Variants in TCEA1 observed in about 807,000 individuals in gnomAD.
TCEA1 encodes transcription elongation factor A protein 1.
Under a neutral mutation model 43.8 loss-of-function variants are expected in TCEA1, and 21 were observed. That is an observed-to-expected ratio of 0.48 (90% CI 0.34 to 0.69). The LOEUF (loss-of-function observed/expected upper bound fraction) is 0.69, where lower values mean the gene tolerates loss of function less well. Among genes scored for constraint, TCEA1 ranks in the 30% least tolerant of loss-of-function variants. The pLI is 0.01. For missense variants in TCEA1, 250 were observed against 365.1 expected (o/e 0.68, Z 2.57); for synonymous variants, 104 against 117.5 (o/e 0.88, Z 0.75).
At chr8:53,999,156 C>T (rs1359904728) in intron 3 of TCEA1, among the ~76,000 whole-genome samples, 3 of 138,172 alleles carry the variant, frequency 2.2e-5, no homozygotes, top group Admixed American at 7.9e-5. Context: ...ACCCAGGAGG[C>T]GGAGCTTGCA....
chr8:54,006,650 TC>T (rs970588317), intron 2 of TCEA1, among the ~76,000 whole-genome samples: 6 of 152,196 alleles, frequency 3.9e-5, no homozygotes, highest in African/African-American at 1.2e-4. Context: ...TATGTTGTTT[TC>T]CCCACACAGG....
chr8:54,004,659 G>A (rs1445399769), intron 2 of TCEA1, among the ~76,000 whole-genome samples: 1 of 151,910 alleles, frequency 6.6e-6, no homozygotes, highest in Non-Finnish European at 1.5e-5. Context: ...GACTTTTTGG[G>A]GTGATGAAAA....
At chr8:53,970,660 T>C (rs1447838443) in intron 8 of TCEA1, among the ~76,000 whole-genome samples, 197 bp from the exon 9 acceptor site, 4 of 151,958 alleles carry the variant, frequency 2.6e-5, no homozygotes, top group Admixed American at 6.5e-5. Context: ...CCTAAGTCCT[T>C]CTTTGTCTTT....
At chr8:54,002,688 T>TA (rs993483669) in intron 2 of TCEA1, among the ~76,000 whole-genome samples, 12 of 152,156 alleles carry the variant, frequency 7.9e-5, no homozygotes, top group African/African-American at 2.7e-4. Flanking sequence ...TGCTAAGACT[T>TA]ACAAGATGTA....
At chr8:54,021,907 G>T in intron 1 of TCEA1, 156 bp downstream of exon 1, 1 of 597,224 alleles carries the variant, frequency 1.7e-6, no homozygotes, top group Non-Finnish European at 2.6e-6. Context: ...GACGCCCCGG[G>T]CCCGGACACC....
At chr8:54,014,772 A>T (rs2129313991) in intron 1 of TCEA1, among the ~76,000 whole-genome samples, 1 of 152,362 alleles carries the variant, frequency 6.6e-6, no homozygotes, top group African/African-American at 2.4e-5. Context: ...AGTTAAGAAT[A>T]TGGTGTACAT....
intron 7 of TCEA1, among the ~76,000 whole-genome samples, chr8:53,980,308 C>T (rs143150341): frequency 1.3e-5 from 2 of 152,352 alleles, no homozygotes; most frequent in African/African-American, 4.8e-5. Context: ...CCAGTTTTTA[C>T]CAGCTACAGT....
intron 6 of TCEA1, among the ~76,000 whole-genome samples, 194 bp from the exon 7 acceptor site, chr8:53,984,711 G>A (rs565847267): frequency 9.9e-5 from 15 of 151,934 alleles, no homozygotes; most frequent in African/African-American, 3.1e-4. Context: ...ATGAAACCCC[G>A]TCTCTATTAA....
At chr8:53,982,136 T>C (rs1803531253) in intron 7 of TCEA1, among the ~76,000 whole-genome samples, 1 of 152,090 alleles carries the variant, frequency 6.6e-6, no homozygotes, top group Non-Finnish European at 1.5e-5. Flanking sequence ...ATTCTTCAGA[T>C]AGATCTGAAT....
In TCEA1 at chr8:53,971,689, G is replaced by A. The variant is rs912904110; in HGVS notation, c.826-1226C>T. 6 of 197,434 alleles carry A rather than the reference G, an allele frequency of 3.0e-5. No homozygotes were observed. The East Asian group carries it at 6.6e-4, about 22-fold the overall frequency. 12.2% of individuals were successfully genotyped at this position (197,434 alleles called of 1,614,324 possible). A position where few individuals can be genotyped will look rare whatever the true frequency, so the allele number is the denominator to read the frequency against. On this transcript the variant is annotated intron_variant, in intron 8 of 9. Coordinates refer to ENST00000521604, the MANE Select transcript of TCEA1 (RefSeq NM_006756.4). ...CATAGCACTGCAGAGTACTTGAAAC[G>A]TTTTTATGACCTTTCAGATTCTGAT...
chr8:53,997,641 T>C (rs1483723219), intron 3 of TCEA1, among the ~76,000 whole-genome samples: 1 of 152,236 alleles, frequency 6.6e-6, no homozygotes, highest in African/African-American at 2.4e-5. Flanking sequence ...CTCACGCCTA[T>C]AAACCTAACA....
At chr8:54,015,715 A>G (rs766439655) in intron 1 of TCEA1, among the ~76,000 whole-genome samples, 4 of 152,204 alleles carry the variant, frequency 2.6e-5, no homozygotes, top group Non-Finnish European at 4.4e-5. Context: ...GTATCAGCAT[A>G]TCTAACAAGG....
intron 8 of TCEA1, among the ~76,000 whole-genome samples, chr8:53,975,023 T>C (rs537563519): frequency 5.3e-5 from 8 of 152,228 alleles, no homozygotes; most frequent in Admixed American, 3.3e-4. Context: ...GGAAGAACTT[T>C]TTGTTGTTTA....
rs1446342162 is a variant in TCEA1, at chr8:53,984,405, A to C, written c.636T>G (p.Cys212Trp). The change falls in exon 7 of 10, where the codon TGT becomes TGG. Residue 212 changes from cysteine to tryptophan, a missense_variant. Cys to Trp is a radical substitution (Grantham distance 215). Transcript: ENST00000521604. ...KNPNLRKNVL[C>W]GNIPPDLFAR... ...CAAATAAGTCAGGAGGAATATTCCCACAGAGGACATTTTTCCTTAAATTTG... is the reference window on the plus strand; with the variant it reads ...CAAATAAGTCAGGAGGAATATTCCCCCAGAGGACATTTTTCCTTAAATTTG... 1.2e-6 allele frequency: 2 copies of C among 1,606,474 alleles called. No homozygotes were observed. Among genetic ancestry groups the C allele is most frequent in the Non-Finnish European group, 8.5e-7 (1 of 1,177,574 alleles).
chr8:53,983,709 T>C (rs1474120148), intron 7 of TCEA1, among the ~76,000 whole-genome samples: 1 of 152,184 alleles, frequency 6.6e-6, no homozygotes, highest in Non-Finnish European at 1.5e-5. Context: ...TGACCAATTT[T>C]ATAGTGTTTA....
At chr8:54,011,214 C>G (rs1220436845) in intron 1 of TCEA1, among the ~76,000 whole-genome samples, 1 of 152,204 alleles carries the variant, frequency 6.6e-6, no homozygotes, top group Admixed American at 6.5e-5. Context: ...ACAAAATTGG[C>G]TGTTACTAAA....
intron 8 of TCEA1, among the ~76,000 whole-genome samples, chr8:53,977,306 T>C (rs28413072): frequency 0.17 from 25,480 of 152,078 alleles, 6,031 homozygotes; most frequent in African/African-American, 0.53. Context: ...GGCAATAGAG[T>C]GAGACTCTGT....
At chr8:54,015,607 G>T (rs917310478) in intron 1 of TCEA1, among the ~76,000 whole-genome samples, 38 of 152,012 alleles carry the variant, frequency 2.5e-4, no homozygotes, top group Admixed American at 7.2e-4. Flanking sequence ...AGCAACAAAA[G>T]AAAAATATAT....
chr8:53,968,473 A>G (rs1049227165), intron 9 of TCEA1, among the ~76,000 whole-genome samples: 3 of 152,218 alleles, frequency 2.0e-5, no homozygotes, highest in African/African-American at 4.8e-5. Flanking sequence ...AATTCAATTA[A>G]GTACTATGTC....
Sources: gnomAD v4.1 joint callset for allele counts (sites outside exome capture counted in the v4.1 genomes callset) on GRCh38, gnomAD v4.1.1 for gene constraint, MANE v1.5 for transcripts, NCBI Gene and HGNC (gene_info 2026-07-23, HGNC 2026-07-21) for gene names.